ATP2C1: variants seen among roughly 807,000 people sequenced by gnomAD.
The protein encoded by ATP2C1 is calcium-transporting ATPase type 2C member 1.
ATP2C1 carries 31 observed loss-of-function variants against 120.5 expected under a neutral mutation model. That is an observed-to-expected ratio of 0.26 (90% CI 0.19 to 0.35). The LOEUF is 0.35. ATP2C1 is among the 10% of genes least tolerant of loss of function. ATP2C1 has a pLI of 1.00. For missense variants in ATP2C1, 731 were observed against 1,107.5 expected (o/e 0.66, Z 4.83); for synonymous variants, 351 against 358.7 (o/e 0.98, Z 0.24).
At chr3:130,992,745 T>C (rs377070088) in intron 20 of ATP2C1, among the ~76,000 whole-genome samples, 5 of 152,238 alleles carry the variant, frequency 3.3e-5, no homozygotes, top group South Asian at 4.1e-4. Context: ...GATTGTGTAT[T>C]TCCTGTGGTA....
chr3:130,918,997 A>AAC (rs1378336560), intron 2 of ATP2C1: 1 of 424,054 alleles, frequency 2.4e-6, no homozygotes, highest in Non-Finnish European at 4.6e-6. Context: ...GTCTTAAACA[A>AAC]ACAAACAAAC....
chr3:130,884,067 G>A (rs779478666), intron 1 of ATP2C1, among the ~76,000 whole-genome samples: 3 of 149,706 alleles, frequency 2.0e-5, no homozygotes, highest in African/African-American at 7.4e-5. Context: ...TCAGCCTCCC[G>A]AGTAGCTGGA....
At chr3:131,016,078 T>A in intron 26 of ATP2C1, 1 of 1,541,632 alleles carries the variant, frequency 6.5e-7, no homozygotes, top group Non-Finnish European at 8.8e-7. Context: ...GCTTTAAATA[T>A]AAGTGAAAAT....
intron 2 of ATP2C1, among the ~76,000 whole-genome samples, chr3:130,904,719 T>A (rs1372140448): frequency 6.6e-6 from 1 of 152,050 alleles, no homozygotes. Flanking sequence ...CATGGGCAAG[T>A]TTTGCTATCT....
chr3:130,992,857 A>G, intron 20 of ATP2C1, 94 bp from the exon 21 acceptor site: 1 of 1,006,176 alleles, frequency 9.9e-7, no homozygotes, highest in South Asian at 1.3e-5. Flanking sequence ...TACAGCTTAA[A>G]TTGATGAGTT....
intron 2 of ATP2C1, among the ~76,000 whole-genome samples, chr3:130,926,132 G>C (rs1198415469): frequency 3.9e-5 from 6 of 152,152 alleles, no homozygotes. Context: ...TTTCTTCAAA[G>C]GGTCTGTGGA....
intron 8 of ATP2C1, among the ~76,000 whole-genome samples, chr3:130,944,345 G>T (rs181548049): frequency 1.0e-3 from 153 of 152,254 alleles, no homozygotes; most frequent in Middle Eastern, 6.8e-3. Flanking sequence ...CTTAGCTTGG[G>T]TTGCTTTAAC....
chr3:130,886,892 T>C, intron 1 of ATP2C1, among the ~76,000 whole-genome samples: 1 of 152,210 alleles, frequency 6.6e-6, no homozygotes, highest in East Asian at 1.9e-4. Context: ...TGGATGGTCT[T>C]GATGTTTATT....
chr3:130,892,244 G>A (rs545332693), upstream of ATP2C1, among the ~76,000 whole-genome samples: 5 of 152,266 alleles, frequency 3.3e-5, no homozygotes, highest in South Asian at 1.0e-3. Flanking sequence ...TTTTGTAAAT[G>A]CATATGTTAA....
chr3:130,928,197 T>G (rs981232155), intron 2 of ATP2C1: 1 of 152,326 alleles, frequency 6.6e-6, no homozygotes, highest in Non-Finnish European at 1.5e-5. Context: ...GGATGGACTT[T>G]ACCATCTTGC....
intron 4 of ATP2C1, 131 bp downstream of exon 4, chr3:130,932,269 T>G: frequency 1.5e-6 from 1 of 669,242 alleles, no homozygotes. Context: ...TACCTAAAAT[T>G]TTTCATTTGT....
At chr3:130,958,251 A>G (rs969164693) in intron 11 of ATP2C1, among the ~76,000 whole-genome samples, 1 of 152,068 alleles carries the variant, frequency 6.6e-6, no homozygotes, top group Non-Finnish European at 1.5e-5. Flanking sequence ...TTTTGTAAAG[A>G]ACTAGATAGT....
Position 130,956,170 on chromosome 3 carries a change from G to T in ATP2C1, c.823G>T (p.Gly275Cys). The T allele has an allele frequency of 1.3e-6, 2 of 1,590,496 alleles. No homozygotes were observed. The highest frequency in any genetic ancestry group is 2.2e-5 in the South Asian group (2 of 90,566). The change falls in exon 11 of 28, where the codon GGT becomes TGT. Residue 275 changes from glycine to cysteine, a missense_variant. Gly to Cys is a radical substitution (Grantham distance 159). Transcript: ENST00000510168. The part of the protein sequence containing the change: ...LGKQLSFYSF[G>C]IIGIIMLVGW... ...AAAACAACTTTCCTTTTACTCCTTT[G>T]GTATAATAGGTAAGAGAAGAGTGAG...
At chr3:130,961,290 T>C (rs867362559) in intron 12 of ATP2C1, among the ~76,000 whole-genome samples, 6 of 151,588 alleles carry the variant, frequency 4.0e-5, no homozygotes, top group East Asian at 1.9e-4. Flanking sequence ...GATTGACATA[T>C]CATAACTTCT....
chr3:130,915,115 A>T (rs553328121), intron 2 of ATP2C1, among the ~76,000 whole-genome samples: 1 of 150,496 alleles, frequency 6.6e-6, no homozygotes, highest in South Asian at 2.1e-4. Flanking sequence ...CCCCCTTGAG[A>T]CGATGTTTCA....
At position 130,980,071 on chromosome 3, in the gene ATP2C1, G is replaced by A. The variant is rs1560006510; in HGVS notation, c.1742-511G>A. 2.0e-5 allele frequency among the ~76,000 whole-genome samples: 3 copies of A among 152,020 alleles called. No individual in the cohort carries two copies. In the South Asian group the frequency reaches 6.2e-4, roughly 32 times the overall value. Reference sequence around the variant, plus strand: ...TATATTATTGGAAGAATAACTTTTCGATGTTTATTTTCATTTATGTATAAC... The same window carrying A: ...TATATTATTGGAAGAATAACTTTTCAATGTTTATTTTCATTTATGTATAAC... On this transcript the variant is annotated intron_variant, in intron 19 of 27. Coordinates refer to ENST00000510168, the MANE Select transcript of ATP2C1 (RefSeq NM_001378687.1).
At chr3:130,896,263 A>G (rs1165911745) in intron 2 of ATP2C1, among the ~76,000 whole-genome samples, 2 of 152,182 alleles carry the variant, frequency 1.3e-5, no homozygotes, top group Non-Finnish European at 2.9e-5. Flanking sequence ...CATGAGTAAT[A>G]AAGCCGATTC....
intron 2 of ATP2C1, among the ~76,000 whole-genome samples, chr3:130,923,251 G>C (rs2059046787): frequency 1.3e-5 from 2 of 151,450 alleles, no homozygotes; most frequent in African/African-American, 4.9e-5. Context: ...GTTGGAGACA[G>C]AGTCTTGCTC....
intron 2 of ATP2C1, chr3:130,914,307 A>C (rs530749736): frequency 2.2e-4 from 33 of 151,978 alleles, no homozygotes; most frequent in African/African-American, 7.2e-4. Flanking sequence ...CTTAAGCCAT[A>C]TAGGTTTTTT....
Sources: allele counts gnomAD v4.1 joint callset (sites outside exome capture counted in the v4.1 genomes callset), GRCh38; gene constraint gnomAD v4.1.1; transcripts MANE v1.5; gene names NCBI Gene and HGNC (gene_info 2026-07-23, HGNC 2026-07-21).